The following CNTN5 variants were observed in gnomAD, a reference collection of about 807,000 sequenced individuals.
CNTN5 encodes the protein contactin 5.
In CNTN5, 77 loss-of-function variants were observed where a neutral mutation model predicts 129.1. That is an observed-to-expected ratio of 0.60 (90% CI 0.50 to 0.72). The LOEUF (loss-of-function observed/expected upper bound fraction) is 0.72. Among genes scored for constraint, CNTN5 ranks in the 30% least tolerant of loss-of-function variants. The pLI, the probability that CNTN5 is intolerant of heterozygous loss-of-function variation, is 0.00. For synonymous variants in CNTN5, 509 were observed against 465.6 expected, an observed-to-expected ratio of 1.09 and a Z score of -1.20; for missense variants, 1,478 against 1,328.8, an observed-to-expected ratio of 1.11 and a Z score of -1.75.
intron 3 of CNTN5, among the ~76,000 whole-genome samples, chr11:99,635,349 T>G (rs1001929130): frequency 1.3e-5 from 2 of 152,190 alleles, no homozygotes; most frequent in African/African-American, 4.8e-5. Context: ...AGGCCCAGTT[T>G]CTTTAAGATG....
intron 3 of CNTN5, among the ~76,000 whole-genome samples, chr11:99,642,754 C>G (rs918984379): frequency 1.3e-5 from 2 of 152,178 alleles, no homozygotes; most frequent in East Asian, 3.8e-4. Context: ...ATCCTCTTCT[C>G]CCCTCTACCC....
At chr11:99,116,207 T>A (rs1031877040) in intron 1 of CNTN5, among the ~76,000 whole-genome samples, 1 of 152,208 alleles carries the variant, frequency 6.6e-6, no homozygotes, top group Non-Finnish European at 1.5e-5. Context: ...ATTTCTTGTG[T>A]GTGAATTGAT....
chr11:99,884,532 A>G (rs147579195), intron 6 of CNTN5, among the ~76,000 whole-genome samples: 1 of 152,322 alleles, frequency 6.6e-6, no homozygotes, highest in African/African-American at 2.4e-5. Context: ...ATATTTAAAG[A>G]TGCAGTGGCT....
intron 1 of CNTN5, among the ~76,000 whole-genome samples, chr11:99,295,605 G>A (rs375739897): frequency 1.1e-4 from 17 of 152,258 alleles, no homozygotes; most frequent in African/African-American, 2.6e-4. Context: ...GGCCGGGCGC[G>A]GTGGCTCACG....
intron 2 of CNTN5, among the ~76,000 whole-genome samples, chr11:99,415,019 A>C (rs1942584446): frequency 6.6e-6 from 1 of 151,824 alleles, no homozygotes; most frequent in South Asian, 2.1e-4. Context: ...TAATTCTTGA[A>C]GTATTTGTTC....
Position 100,070,354 on chromosome 11 carries a change from T to C in CNTN5, c.1163-70T>C, listed in dbSNP as rs1451746814. Reference sequence around the variant, plus strand: ...TAAAAAAATACGTTGAATTTTTCCATGTAAATTTTAAACTTGGTAAAGCGT... The same window carrying C: ...TAAAAAAATACGTTGAATTTTTCCACGTAAATTTTAAACTTGGTAAAGCGT... On this transcript the variant is annotated intron_variant, in intron 10 of 24. Coordinates refer to ENST00000524871, the MANE Select transcript of CNTN5 (RefSeq NM_014361.4). 12 of 1,462,478 alleles carry C rather than the reference T, an allele frequency of 8.2e-6. No individual in the cohort carries two copies. The Admixed American group carries it at 8.5e-5, about 10-fold the overall frequency. The allele number at this position is 1,462,478 out of a possible 1,614,324, so 90.6% of individuals were successfully genotyped here.
intron 9 of CNTN5, among the ~76,000 whole-genome samples, chr11:100,002,604 A>G (rs1200125276): frequency 6.6e-6 from 1 of 152,128 alleles, no homozygotes; most frequent in African/African-American, 2.4e-5. Flanking sequence ...CTGAAATCAT[A>G]ACTTAATAGC....
chr11:99,627,307 T>A (rs1453472184), intron 3 of CNTN5, among the ~76,000 whole-genome samples: 2 of 152,186 alleles, frequency 1.3e-5, no homozygotes, highest in African/African-American at 4.8e-5. Flanking sequence ...CTGAACTACC[T>A]AAAGTGGCTT....
chr11:100,304,243 T>C (rs921455691), intron 20 of CNTN5, among the ~76,000 whole-genome samples: 3 of 151,614 alleles, frequency 2.0e-5, no homozygotes, highest in Admixed American at 2.0e-4. Flanking sequence ...CTAATTAATA[T>C]CATCACAAGT....
intron 9 of CNTN5, among the ~76,000 whole-genome samples, chr11:100,028,429 T>C (rs1447157794): frequency 6.6e-6 from 1 of 152,220 alleles, no homozygotes; most frequent in African/African-American, 2.4e-5. Context: ...ATAGAGTTAC[T>C]ATTAGATTTC....
chr11:99,787,327 C>T (rs1945567897), intron 3 of CNTN5, among the ~76,000 whole-genome samples: 2 of 151,416 alleles, frequency 1.3e-5, no homozygotes, highest in South Asian at 4.1e-4. Context: ...AGACAGTGAT[C>T]ATGAAATTAG....
At chr11:99,993,727 G>A (rs1939271491) in intron 8 of CNTN5, among the ~76,000 whole-genome samples, 1 of 152,102 alleles carries the variant, frequency 6.6e-6, no homozygotes, top group Non-Finnish European at 1.5e-5. Context: ...CTGCAGGTCT[G>A]TGGCCTGGAG....
intron 18 of CNTN5, among the ~76,000 whole-genome samples, chr11:100,289,471 A>G (rs373192219): frequency 2.6e-5 from 4 of 151,738 alleles, no homozygotes; most frequent in African/African-American, 9.7e-5. Flanking sequence ...AAATCAATAA[A>G]TGTAATCCAG....
chr11:99,774,307 A>G (rs1274654894), intron 3 of CNTN5, among the ~76,000 whole-genome samples: 2 of 152,036 alleles, frequency 1.3e-5, no homozygotes, highest in East Asian at 3.9e-4. Flanking sequence ...GTGATTGTTA[A>G]ATGATTAGCT....
intron 2 of CNTN5, among the ~76,000 whole-genome samples, chr11:99,444,296 AG>A (rs1164183704): frequency 1.4e-4 from 22 of 152,196 alleles, no homozygotes; most frequent in Non-Finnish European, 1.6e-4. Context: ...ATATTAAGTC[AG>A]AGGTTATTTG....
intron 13 of CNTN5, among the ~76,000 whole-genome samples, chr11:100,149,540 A>G (rs1946977282): frequency 6.6e-6 from 1 of 152,204 alleles, no homozygotes; most frequent in African/African-American, 2.4e-5. Context: ...TTATTTTGAA[A>G]TGATAAAATA....
chr11:100,327,641 G>C (rs1951817971), intron 21 of CNTN5, among the ~76,000 whole-genome samples: 1 of 152,154 alleles, frequency 6.6e-6, no homozygotes, highest in Admixed American at 6.5e-5. Context: ...GTAACTCCAA[G>C]AGGGCAGGGA....
At chr11:99,872,262 G>T (rs1948522508) in intron 6 of CNTN5, among the ~76,000 whole-genome samples, 1 of 151,820 alleles carries the variant, frequency 6.6e-6, no homozygotes, top group South Asian at 2.1e-4. Flanking sequence ...ATTGGCTTTT[G>T]TTTCTTTGCT....
intron 3 of CNTN5, among the ~76,000 whole-genome samples, chr11:99,572,188 C>A (rs1157253381): frequency 6.6e-6 from 1 of 152,156 alleles, no homozygotes; most frequent in Non-Finnish European, 1.5e-5. Context: ...CCTTTGGCTT[C>A]CATGGGCCAC....
Sources: gnomAD v4.1 joint callset for allele counts (sites outside exome capture counted in the v4.1 genomes callset) on GRCh38, gnomAD v4.1.1 for gene constraint, MANE v1.5 for transcripts, NCBI Gene and HGNC (gene_info 2026-07-23, HGNC 2026-07-21) for gene names.